BRAF: variants seen among roughly 807,000 people sequenced by gnomAD.
BRAF encodes the protein serine/threonine-protein kinase B-raf.
In BRAF, 16 loss-of-function variants were observed where a neutral mutation model predicts 104.6. The observed-to-expected ratio is 0.15, with a 90% confidence interval of 0.10 to 0.23. The LOEUF is 0.23. BRAF is among the 10% of genes least tolerant of loss of function. The pLI is 1.00. For synonymous variants in BRAF, 310 were observed against 341.6 expected (o/e 0.91, Z 1.02); for missense variants, 541 against 937.3 (o/e 0.58, Z 5.52).
chr7:140,898,663 A>G (rs1400314191), intron 1 of BRAF, among the ~76,000 whole-genome samples: 1 of 152,238 alleles, frequency 6.6e-6, no homozygotes, highest in Non-Finnish European at 1.5e-5. Context: ...ATTGCCAATT[A>G]TCTTAAAAGT....
rs374896031 is a variant in BRAF, at chr7:140,794,487, G to A, written c.981-20C>T. The A allele has an allele frequency of 9.0e-5, 145 of 1,612,264 alleles. 1 individual carries two copies. In the African/African-American group the frequency reaches 1.7e-3, roughly 19 times the overall value. On this transcript the variant is annotated intron_variant, in intron 7 of 19. Transcript: ENST00000644969. ...TGGGGCCTGGAAAAATGAAGTCATT[G>A]GAAGATAAGATTCAGAGTAACGATA...
At position 140,722,966 on chromosome 7, in the gene BRAF, G is replaced by C. The variant is rs991062780; in HGVS notation, c.*3528C>G. ...ATGCCCTTTAGGACAAAATGAGAGT[G>C]CTCAAATACAAGTACACAAAAAAGT... On this transcript the variant is annotated 3_prime_UTR_variant, in exon 20 of 20. Coordinates refer to ENST00000644969, the MANE Select transcript of BRAF (RefSeq NM_001374258.1). The C allele has an allele frequency of 2.8e-6, 3 of 1,054,154 alleles. No homozygotes were observed. Among genetic ancestry groups the C allele is most frequent in the Non-Finnish European group, 3.4e-6 (3 of 872,514 alleles). 65.3% of individuals were successfully genotyped at this position (1,054,154 alleles called of 1,614,324 possible).
chr7:140,763,538 T>C (rs1799003718), intron 14 of BRAF, among the ~76,000 whole-genome samples: 2 of 152,152 alleles, frequency 1.3e-5, no homozygotes, highest in South Asian at 2.1e-4. Context: ...ACAAAATTGA[T>C]AGACCACTAG....
At chr7:140,912,158 A>C (rs559663916) in intron 1 of BRAF, among the ~76,000 whole-genome samples, 2 of 152,178 alleles carry the variant, frequency 1.3e-5, no homozygotes, top group Non-Finnish European at 2.9e-5. Flanking sequence ...CATCTCTTAA[A>C]GGAAAAAAAA....
At chr7:140,813,061 T>TA (rs918915636) in intron 3 of BRAF, among the ~76,000 whole-genome samples, 26 of 151,110 alleles carry the variant, frequency 1.7e-4, no homozygotes, top group South Asian at 1.0e-3. Context: ...TACATAAAGC[T>TA]AAAAAAAAAC....
In BRAF at chr7:140,721,567, C is replaced by A; in HGVS notation, c.*4927G>T. 1.3e-6 allele frequency: 2 copies of A among 1,510,258 alleles called. No individual in the cohort carries two copies. The highest frequency in any genetic ancestry group is 1.3e-5 in the South Asian group (1 of 79,600). The allele number at this position is 1,510,258 out of a possible 1,614,324, so 93.6% of individuals were successfully genotyped here. On this transcript the variant is annotated 3_prime_UTR_variant, in exon 20 of 20. Coordinates refer to ENST00000644969, the MANE Select transcript of BRAF (RefSeq NM_001374258.1). ...ATTTTACCAGAGCTAGCAACATGGA[C>A]CACAGATATACTGGTGACTCCGCTC...
intron 1 of BRAF, among the ~76,000 whole-genome samples, chr7:140,889,740 C>T (rs966225310): frequency 6.6e-6 from 1 of 152,184 alleles, no homozygotes; most frequent in African/African-American, 2.4e-5. Flanking sequence ...CCAAATTCAA[C>T]CCATCAGTCA....
chr7:140,782,863 A>G (rs780040986), intron 11 of BRAF, among the ~76,000 whole-genome samples, 158 bp downstream of exon 10: 14 of 152,240 alleles, frequency 9.2e-5, no homozygotes, highest in Non-Finnish European at 1.6e-4. Context: ...TGCCGTAGAA[A>G]TATGCTTTAA....
At chr7:140,911,059 C>T (rs913685593) in intron 1 of BRAF, among the ~76,000 whole-genome samples, 1 of 152,124 alleles carries the variant, frequency 6.6e-6, no homozygotes, top group African/African-American at 2.4e-5. Flanking sequence ...AGACAGAAAT[C>T]TAGAGAACAA....
intron 1 of BRAF, among the ~76,000 whole-genome samples, chr7:140,856,243 C>T (rs887940680): frequency 4.0e-5 from 6 of 151,072 alleles, no homozygotes; most frequent in African/African-American, 7.3e-5. Context: ...ATAATTGTTA[C>T]GAAAGGTGGG....
intron 7 of BRAF, chr7:140,799,862 T>C (rs527258451): frequency 3.4e-6 from 1 of 293,392 alleles, no homozygotes; most frequent in African/African-American, 2.1e-5. Context: ...CATATACTTC[T>C]ATACCTAATA....
At chr7:140,880,804 TAA>T (rs576626707) in intron 1 of BRAF, among the ~76,000 whole-genome samples, 2,784 of 143,674 alleles carry the variant, frequency 0.019, 91 homozygotes, top group African/African-American at 0.065. Flanking sequence ...CTGTCTCTAT[TAA>T]AAAAAAAAAA....
chr7:140,907,250 A>G (rs10247116), intron 1 of BRAF, among the ~76,000 whole-genome samples: 1 of 152,004 alleles, frequency 6.6e-6, no homozygotes, highest in Non-Finnish European at 1.5e-5. Flanking sequence ...AAATCTATTA[A>G]GTTGGGTTTT....
At chr7:140,773,006 T>C (rs1248759461) in intron 14 of BRAF, among the ~76,000 whole-genome samples, 2 of 152,188 alleles carry the variant, frequency 1.3e-5, no homozygotes, top group African/African-American at 2.4e-5. Flanking sequence ...AGCATTTTGT[T>C]GCTGCTGTTA....
intron 8 of BRAF, among the ~76,000 whole-genome samples, chr7:140,791,459 A>G (rs1801961422): frequency 6.6e-6 from 1 of 152,096 alleles, no homozygotes; most frequent in Non-Finnish European, 1.5e-5. Context: ...GAGCCAGCCC[A>G]TAAAGGAGAC....
intron 1 of BRAF, among the ~76,000 whole-genome samples, chr7:140,912,562 T>C (rs1817103690): frequency 6.6e-6 from 1 of 152,218 alleles, no homozygotes; most frequent in Non-Finnish European, 1.5e-5. Context: ...CTTTTTCTTA[T>C]CATTAAAAAT....
Position 140,720,464 on chromosome 7 carries a change from A to G in BRAF, c.*6030T>C. On this transcript the variant is annotated 3_prime_UTR_variant, in exon 20 of 20. Coordinates refer to ENST00000644969, the MANE Select transcript of BRAF (RefSeq NM_001374258.1). ...TTACGTTGGTCATTAACATGAATAA[A>G]AAGGCATTATATGTTGATATAGCTG... is the stretch of plus-strand genomic sequence containing the variant. 1 of 1,064,030 alleles carries G rather than the reference A, an allele frequency of 9.4e-7. No individual in the cohort carries two copies. Among genetic ancestry groups the G allele is most frequent in the Non-Finnish European group, 1.1e-6 (1 of 878,556 alleles). 65.9% of individuals were successfully genotyped at this position (1,064,030 alleles called of 1,614,324 possible). A position where few individuals can be genotyped will look rare whatever the true frequency, so the allele number is the denominator to read the frequency against.
chr7:140,724,448 G>A lies in BRAF; in HGVS notation c.*2046C>T, dbSNP rs894440371. 64 of 1,054,180 alleles carry A rather than the reference G, an allele frequency of 6.1e-5. No individual in the cohort carries two copies. Among genetic ancestry groups the A allele is most frequent in the African/African-American group, 1.3e-4 (8 of 60,380 alleles). 65.3% of individuals were successfully genotyped at this position (1,054,180 alleles called of 1,614,324 possible). On this transcript the variant is annotated 3_prime_UTR_variant, in exon 20 of 20. Transcript: ENST00000644969. The stretch of plus-strand genomic sequence containing the variant: ...CACAGAAGATGTTCTTCAAATCAGC[G>A]TGAATTATTTCCACCTTTGCAATTT...
chr7:140,807,802 GT>G (rs775756571), intron 5 of BRAF, among the ~76,000 whole-genome samples, 157 bp downstream of exon 5: 5 of 151,962 alleles, frequency 3.3e-5, no homozygotes, highest in Non-Finnish European at 7.4e-5. Context: ...TTAAACTCTT[GT>G]TTAAATACAA....
Sources: allele counts gnomAD v4.1 joint callset (sites outside exome capture counted in the v4.1 genomes callset), GRCh38; gene constraint gnomAD v4.1.1; transcripts MANE v1.5; gene names NCBI Gene and HGNC (gene_info 2026-07-23, HGNC 2026-07-21).